ZFHX3: variants seen among roughly 807,000 people sequenced by gnomAD.
ZFHX3 encodes the protein zinc finger homeobox 3.
A neutral mutation model predicts 279.1 loss-of-function variants in ZFHX3; 42 were observed. That is an observed-to-expected ratio of 0.15 (90% CI 0.12 to 0.19). The LOEUF (loss-of-function observed/expected upper bound fraction) is 0.19, where lower values mean the gene tolerates loss of function less well. ZFHX3 is among the 10% of genes least tolerant of loss of function. ZFHX3 has a pLI of 1.00. For synonymous variants in ZFHX3, 2,293 were observed against 1,957.8 expected (o/e 1.17, Z -4.52); for missense variants, 4,981 against 4,754.0 (o/e 1.05, Z -1.40).
intron 1 of ZFHX3, among the ~76,000 whole-genome samples, chr16:73,002,271 T>A (rs1315250628): frequency 6.6e-6 from 1 of 152,138 alleles, no homozygotes; most frequent in African/African-American, 2.4e-5. Flanking sequence ...GAGAACTCCA[T>A]CAGTAACTCT....
At chr16:73,164,921 G>C (rs1967324178) in intron 5 of ZFHX3, among the ~76,000 whole-genome samples, 1 of 152,160 alleles carries the variant, frequency 6.6e-6, no homozygotes, top group Non-Finnish European at 1.5e-5. Context: ...GCTAATGAAT[G>C]TCTGAGTCAA....
intron 1 of ZFHX3, among the ~76,000 whole-genome samples, chr16:73,890,867 C>A (rs2030511732): frequency 6.6e-6 from 1 of 152,106 alleles, no homozygotes; most frequent in Admixed American, 6.5e-5. Flanking sequence ...CAATCAGCAT[C>A]ACCACCACCA....
chr16:73,568,433 G>T (rs2020480077), intron 2 of ZFHX3, among the ~76,000 whole-genome samples: 1 of 152,128 alleles, frequency 6.6e-6, no homozygotes, highest in Non-Finnish European at 1.5e-5. Context: ...GCCAAAACAG[G>T]AACATGCATT....
intron 3 of ZFHX3, among the ~76,000 whole-genome samples, chr16:73,340,788 A>G (rs2016017222): frequency 6.6e-6 from 1 of 152,214 alleles, no homozygotes; most frequent in African/African-American, 2.4e-5. Context: ...AAAGTGGATC[A>G]AAGAGCTACA....
At chr16:72,976,385 GGGTTCCAGCCCCAGT>G (rs1385567551) in intron 1 of ZFHX3, among the ~76,000 whole-genome samples, 3 of 152,148 alleles carry the variant, frequency 2.0e-5, no homozygotes, top group Non-Finnish European at 2.9e-5. Context: ...GAGGCTACTG[GGGTTCCAGCCCCAGT>G]GGTCATAGTT....
At chr16:73,436,694 C>T (rs141036202) in intron 3 of ZFHX3, among the ~76,000 whole-genome samples, 12 of 152,176 alleles carry the variant, frequency 7.9e-5, no homozygotes, top group African/African-American at 2.6e-4. Context: ...CTCACCAGGA[C>T]CTCCCCTTGC....
intron 1 of ZFHX3, among the ~76,000 whole-genome samples, chr16:73,696,241 G>GTTTTTTT (rs1280624539): frequency 6.6e-6 from 1 of 152,208 alleles, no homozygotes; most frequent in Non-Finnish European, 1.5e-5. Flanking sequence ...AAACGAACAA[G>GTTTTTTT]TCAGGCAGAG....
chr16:72,962,566 G>T (rs368795411), intron 1 of ZFHX3, among the ~76,000 whole-genome samples: 2 of 152,198 alleles, frequency 1.3e-5, no homozygotes, highest in South Asian at 2.1e-4. Flanking sequence ...CTTTCCATGC[G>T]CACCAGCTGT....
At chr16:73,582,764 AC>A (rs1320332861) in intron 2 of ZFHX3, among the ~76,000 whole-genome samples, 2 of 151,906 alleles carry the variant, frequency 1.3e-5, no homozygotes, top group African/African-American at 4.9e-5. Context: ...GGCATGAGCC[AC>A]CATGCCTGGC....
intron 2 of ZFHX3, among the ~76,000 whole-genome samples, chr16:73,525,975 T>G (rs1468884796): frequency 3.3e-5 from 5 of 152,158 alleles, no homozygotes; most frequent in African/African-American, 1.2e-4. Flanking sequence ...CTTTTAACTT[T>G]GTACAATCCC....
At chr16:73,594,795 T>G (rs1033228844) in intron 2 of ZFHX3, among the ~76,000 whole-genome samples, 7 of 152,248 alleles carry the variant, frequency 4.6e-5, no homozygotes, top group Admixed American at 3.9e-4. Flanking sequence ...AGTTTCTCTT[T>G]GAGCCATGAA....
At chr16:73,400,462 CAA>C (rs2017227899) in intron 3 of ZFHX3, 1 of 152,170 alleles carries the variant, frequency 6.6e-6, no homozygotes, top group Non-Finnish European at 1.5e-5. Context: ...CTGTGGCAAA[CAA>C]AGAGTCCACA....
intron 2 of ZFHX3, among the ~76,000 whole-genome samples, chr16:73,515,095 G>C (rs184165401): frequency 1.3e-5 from 2 of 152,304 alleles, no homozygotes; most frequent in African/African-American, 4.8e-5. Context: ...AATGTTTAGA[G>C]TCTTGCACAG....
chr16:73,254,727 T>A (rs995610316), intron 5 of ZFHX3, among the ~76,000 whole-genome samples: 1 of 152,178 alleles, frequency 6.6e-6, no homozygotes, highest in African/African-American at 2.4e-5. Context: ...CATAGAAATA[T>A]TGATCTCATC....
At chr16:73,144,127 A>T (rs1458409172) in intron 5 of ZFHX3, among the ~76,000 whole-genome samples, 1 of 152,204 alleles carries the variant, frequency 6.6e-6, no homozygotes. Context: ...ACAGCATCTG[A>T]TATTAATTAA....
intron 5 of ZFHX3, among the ~76,000 whole-genome samples, chr16:73,183,085 GTCCCAGCTAC>G (rs1368741427): frequency 2.0e-5 from 3 of 151,872 alleles, no homozygotes. Flanking sequence ...GGCGCCTGTA[GTCCCAGCTAC>G]TCGGGAGGCT....
intron 1 of ZFHX3, among the ~76,000 whole-genome samples, chr16:73,697,551 T>G (rs1354569457): frequency 6.6e-6 from 1 of 152,204 alleles, no homozygotes; most frequent in African/African-American, 2.4e-5. Flanking sequence ...TCCCCAGGTC[T>G]CCAAGTCATT....
chr16:73,792,787 C>T (rs1300759363), intron 1 of ZFHX3, among the ~76,000 whole-genome samples: 1 of 152,036 alleles, frequency 6.6e-6, no homozygotes, highest in African/African-American at 2.4e-5. Context: ...TCTTTGAAGG[C>T]AGCCTTCTGT....
At chr16:73,367,996 G>A (rs190670462) in intron 3 of ZFHX3, among the ~76,000 whole-genome samples, 2 of 151,388 alleles carry the variant, frequency 1.3e-5, no homozygotes, top group East Asian at 2.0e-4. Context: ...TCAGCCTCTC[G>A]AGTAGCTGGG....
Sources: allele counts gnomAD v4.1 joint callset (sites outside exome capture counted in the v4.1 genomes callset), GRCh38; gene constraint gnomAD v4.1.1; transcripts MANE v1.5; gene names NCBI Gene and HGNC (gene_info 2026-07-23, HGNC 2026-07-21).